Variants in STS observed in about 807,000 individuals in gnomAD.
The protein encoded by STS is steroid sulfatase.
STS carries 7 observed loss-of-function variants against 26.8 expected under a neutral mutation model. That is an observed-to-expected ratio of 0.26 (90% CI 0.15 to 0.49). STS has a LOEUF of 0.49. STS is among the 20% of genes least tolerant of loss of function. The pLI is 0.98. For missense variants in STS, 434 were observed against 465.6 expected, an observed-to-expected ratio of 0.93 and a Z score of 0.63; for synonymous variants, 199 against 189.4, an observed-to-expected ratio of 1.05 and a Z score of -0.42.
rs756902892 is a variant in STS, at chrX:7,311,813, G to A, written c.1081+6630G>A. Among the ~76,000 whole-genome samples the A allele has an allele frequency of 3.1e-4, 35 of 111,458 alleles. 1 individual carries two copies. Among genetic ancestry groups the A allele is most frequent in the African/African-American group, 1.1e-3 (35 of 30,674 alleles). ...TGCAGTGAGCTATGATTGCACCACT[G>A]CACTCCAGGCTGGTCAACAGAGGGA... On this transcript the variant is annotated intron_variant, in intron 8 of 10. Coordinates refer to ENST00000674429, the MANE Select transcript of STS (RefSeq NM_001320752.2).
intron 1 of STS, among the ~76,000 whole-genome samples, chrX:7,168,405 T>A (rs901504375): frequency 5.1e-4 from 57 of 111,976 alleles, no homozygotes; most frequent in African/African-American, 1.8e-3. Context: ...GATAATAAAA[T>A]CATGAAAAAT....
chrX:7,218,407 A>G (rs1230665466), intron 2 of STS, among the ~76,000 whole-genome samples: 1 of 112,388 alleles, frequency 8.9e-6, no homozygotes, highest in Non-Finnish European at 1.9e-5. Context: ...TTTTTGAATC[A>G]TTAGTCACAT....
chrX:7,179,398 T>C (rs1933639913), intron 1 of STS, among the ~76,000 whole-genome samples: 1 of 111,718 alleles, frequency 9.0e-6, no homozygotes, highest in South Asian at 3.8e-4. Context: ...TCTGTCCTTC[T>C]CATGAAAGTG....
chrX:7,309,571 TA>T (rs1451462859), intron 8 of STS, among the ~76,000 whole-genome samples: 10 of 92,061 alleles, frequency 1.1e-4, no homozygotes, highest in African/African-American at 3.8e-4. Context: ...AATAAATAAA[TA>T]AAATAAAATA....
chrX:7,214,935 A>ATATACATATATATACG (rs1367050778), intron 2 of STS, among the ~76,000 whole-genome samples: 7 of 94,106 alleles, frequency 7.4e-5, no homozygotes, highest in African/African-American at 2.7e-4. Context: ...GTGTGTGTAT[A>ATATACATATATATACG]TATATATACA....
At chrX:7,299,222 T>A (rs1240936248) in intron 7 of STS, among the ~76,000 whole-genome samples, 1 of 94,477 alleles carries the variant, frequency 1.1e-5, no homozygotes, top group Non-Finnish European at 2.0e-5. Context: ...TATATAAATT[T>A]TATATAATTA....
chrX:7,221,147 A>G (rs754427668), intron 2 of STS, among the ~76,000 whole-genome samples: 1 of 112,425 alleles, frequency 8.9e-6, no homozygotes, highest in South Asian at 3.7e-4. Context: ...ACGTCTGAAT[A>G]TTGGCATCTT....
chrX:7,307,147 T>C (rs1326202429), intron 8 of STS, among the ~76,000 whole-genome samples: 2 of 111,210 alleles, frequency 1.8e-5, no homozygotes, highest in Non-Finnish European at 3.8e-5. Context: ...AGCCCCTTCC[T>C]TTAGGTCTCA....
chrX:7,243,537 G>T (rs1227113446), intron 2 of STS, among the ~76,000 whole-genome samples: 2 of 111,675 alleles, frequency 1.8e-5, no homozygotes, highest in African/African-American at 6.5e-5. Context: ...CTCTCATTCT[G>T]CTAGTTCTTG....
intron 7 of STS, among the ~76,000 whole-genome samples, chrX:7,277,198 CAGAAG>C (rs1379849741): frequency 1.8e-5 from 2 of 112,254 alleles, no homozygotes; most frequent in African/African-American, 6.5e-5. Context: ...ATCAGAGTGA[CAGAAG>C]AGATCATTTT....
At chrX:7,349,255 C>T (rs980287186) in intron 10 of STS, among the ~76,000 whole-genome samples, 14 of 97,930 alleles carry the variant, frequency 1.4e-4, no homozygotes, top group African/African-American at 5.2e-4. Flanking sequence ...TCTTCCACCT[C>T]GGCCTCCCAA....
intron 7 of STS, among the ~76,000 whole-genome samples, chrX:7,295,235 T>C (rs1925606681): frequency 8.9e-6 from 1 of 111,779 alleles, no homozygotes; most frequent in Non-Finnish European, 1.9e-5. Flanking sequence ...GAATACCTGT[T>C]GCTTTAAAGT....
intron 8 of STS, among the ~76,000 whole-genome samples, chrX:7,321,115 C>G (rs1349737183): frequency 8.9e-6 from 1 of 111,817 alleles, no homozygotes; most frequent in East Asian, 2.8e-4. Context: ...AGATCCTGTC[C>G]TTTGCAGCAA....
At chrX:7,176,600 T>A (rs1428196121) in intron 1 of STS, among the ~76,000 whole-genome samples, 5 of 106,916 alleles carry the variant, frequency 4.7e-5, no homozygotes, top group Admixed American at 2.0e-4. Context: ...TCCACATGGC[T>A]GGGGAGGCCT....
At chrX:7,250,317 C>T (rs1923078123) in intron 2 of STS, among the ~76,000 whole-genome samples, 1 of 107,795 alleles carries the variant, frequency 9.3e-6, no homozygotes, top group Non-Finnish European at 1.9e-5. Flanking sequence ...ATTATATTAT[C>T]TGAATGTTGT....
At chrX:7,317,487 A>G (rs1262560298) in intron 8 of STS, among the ~76,000 whole-genome samples, 3 of 109,426 alleles carry the variant, frequency 2.7e-5, no homozygotes, top group African/African-American at 1.0e-4. Flanking sequence ...TTGTTTGTTT[A>G]AGGCAGCGTT....
intron 1 of STS, among the ~76,000 whole-genome samples, chrX:7,166,870 A>G (rs1218371932): frequency 1.8e-5 from 2 of 112,059 alleles, no homozygotes; most frequent in African/African-American, 3.2e-5. Flanking sequence ...GCTACTACCT[A>G]TGGCTCCAGA....
At chrX:7,344,270 G>C (rs1928424048) in intron 10 of STS, among the ~76,000 whole-genome samples, 1 of 111,682 alleles carries the variant, frequency 9.0e-6, no homozygotes, top group Non-Finnish European at 1.9e-5. Context: ...TCTGGGGCCA[G>C]ATCATTCTCT....
chrX:7,299,538 CA>C (rs1925863531), intron 7 of STS, among the ~76,000 whole-genome samples: 1 of 107,404 alleles, frequency 9.3e-6, no homozygotes, highest in African/African-American at 3.4e-5. Context: ...CTAATGCTTC[CA>C]AAAGTATAAC....
Sources: allele counts gnomAD v4.1 joint callset (sites outside exome capture counted in the v4.1 genomes callset), GRCh38; gene constraint gnomAD v4.1.1; transcripts MANE v1.5; gene names NCBI Gene and HGNC (gene_info 2026-07-23, HGNC 2026-07-21).